Variants in GFI1 observed in about 807,000 individuals in gnomAD.
GFI1 encodes the protein zinc finger protein Gfi-1.
A neutral mutation model predicts 39.2 loss-of-function variants in GFI1; 15 were observed. That is an observed-to-expected ratio of 0.38 (90% CI 0.26 to 0.59). GFI1 has a LOEUF of 0.59. Ranked by LOEUF, GFI1 falls within the 20% of genes least tolerant of loss-of-function variation. The probability of loss-of-function intolerance (pLI) is 0.62; values close to 1 mark genes in which losing one functional copy is unlikely to be tolerated. For missense variants in GFI1, 475 were observed against 574.0 expected, an observed-to-expected ratio of 0.83 and a Z score of 1.76; for synonymous variants, 239 against 254.3, an observed-to-expected ratio of 0.94 and a Z score of 0.57.
At position 92,486,823 on chromosome 1, in the gene GFI1, G is replaced by C. The variant is rs1204183815; in HGVS notation, c.-197C>G. On this transcript the variant is annotated 5_prime_UTR_variant, in exon 1 of 7. Transcript: ENST00000294702. The stretch of plus-strand genomic sequence containing the variant: ...GCGAGCGCCGAGCCCCCGGCGGAGA[G>C]GGCCCTGGCGGCGCGTCCCGCGGGC... 3 of 152,154 alleles carry C rather than the reference G, an allele frequency of 2.0e-5. No homozygotes were observed. Among genetic ancestry groups the C allele is most frequent in the Non-Finnish European group, 4.4e-5 (3 of 68,014 alleles). 9.4% of individuals were successfully genotyped at this position (152,154 alleles called of 1,614,324 possible).
intron 1 of GFI1, chr1:92,483,795 A>G: frequency 2.3e-6 from 1 of 432,188 alleles, no homozygotes; most frequent in Non-Finnish European, 4.3e-6. Context: ...CCACTGACAC[A>G]GCTCAGCGGT....
At position 92,484,365 on chromosome 1, in the gene GFI1, CT is replaced by C. The variant is rs1253750776; in HGVS notation, c.-99-780del. The C allele has an allele frequency of 1.3e-5, 2 of 152,834 alleles. No individual in the cohort carries two copies. Among genetic ancestry groups the C allele is most frequent in the Admixed American group, 1.3e-4 (2 of 15,298 alleles). The allele number at this position is 152,834 out of a possible 1,614,324, so 9.5% of individuals were successfully genotyped here. ...CGGCTGCGGCGGGCACCGGTCGAGG[CT>C]GCGGCGAGCCATCCCAGACCATGGA... On this transcript the variant is annotated intron_variant, in intron 1 of 6. Transcript: ENST00000294702. This position sits in a 1 kb window ranked among gnomAD's most constrained non-coding sequence, Gnocchi z 4.1.
Position 92,480,784 on chromosome 1 carries a change from G to T in GFI1, c.603C>A (p.Gly201=). ...ATAGPGLGLY[G]DFGSAAAGLY... ...GCCCGGCTGCCGCAGACCCGAAGTC[G>T]CCGTAGAGCCCTAGGCCAGGGCCAG... is the stretch of plus-strand genomic sequence containing the variant. The change falls in exon 4 of 7, where the codon GGC becomes GGA. Residue 201 remains glycine (G), a synonymous_variant. Coordinates refer to ENST00000294702, the MANE Select transcript of GFI1 (RefSeq NM_005263.5). This position sits in a 1 kb window ranked among gnomAD's most constrained non-coding sequence, Gnocchi z 5.6. 6.3e-7 allele frequency: 1 copy of T among 1,598,400 alleles called. No individual in the cohort carries two copies. The highest frequency in any genetic ancestry group is 2.2e-5 in the East Asian group (1 of 44,518).
In GFI1 at chr1:92,481,130, G is replaced by T; in HGVS notation, c.299-42C>A. 1 of 1,549,644 alleles carries T rather than the reference G, an allele frequency of 6.5e-7. No individual in the cohort carries two copies. Among genetic ancestry groups the T allele is most frequent in the Non-Finnish European group, 8.8e-7 (1 of 1,130,602 alleles). On this transcript the variant is annotated intron_variant, in intron 3 of 6. Transcript: ENST00000294702. This position sits in a 1 kb window ranked among gnomAD's most constrained non-coding sequence, Gnocchi z 4.3. ...GGAGCGTCCGGTCAGGCTTCAGACG[G>T]CAGAGCGGAGGCCGCCGGGCTGCGG...
In GFI1 at chr1:92,485,164, C is replaced by T. The variant is rs570523776; in HGVS notation, c.-100+1562G>A. Among the ~76,000 whole-genome samples the T allele has an allele frequency of 1.4e-4, 22 of 152,310 alleles. No individual in the cohort carries two copies. In the East Asian group the frequency reaches 4.1e-3, roughly 28 times the overall value. On this transcript the variant is annotated intron_variant, in intron 1 of 6. Transcript: ENST00000294702. ...GTCGCGGGGCTCCCGCGAAGTTTCC[C>T]GCTACCCAAGCGCCAGAATGCCCCT...
Position 92,480,294 on chromosome 1 carries a change from A to G in GFI1, c.924+54T>C, listed in dbSNP as rs72962659. On this transcript the variant is annotated intron_variant, in intron 5 of 6. Coordinates refer to ENST00000294702, the MANE Select transcript of GFI1 (RefSeq NM_005263.5). This position sits in a 1 kb window ranked among gnomAD's most constrained non-coding sequence, Gnocchi z 5.6. ...GAGAGTGGCTGGTGCTGCACCGAGG[A>G]GATGCAGAAGATCCCCGAGCAGGGC... 57 of 1,519,206 alleles carry G rather than the reference A, an allele frequency of 3.8e-5. No homozygotes were observed. In the African/African-American group the frequency reaches 6.5e-4, roughly 17 times the overall value. 94.1% of individuals were successfully genotyped at this position (1,519,206 alleles called of 1,614,324 possible). A position where few individuals can be genotyped will look rare whatever the true frequency, so the allele number is the denominator to read the frequency against.
intron 6 of GFI1, 140 bp from the exon 7 acceptor site, chr1:92,476,347 TG>T: frequency 1.3e-6 from 1 of 763,526 alleles, no homozygotes; most frequent in Non-Finnish European, 2.2e-6. Flanking sequence ...GGTGACGTGT[TG>T]CAACCTGAAC....
intron 5 of GFI1, 75 bp from the exon 6 acceptor site, chr1:92,478,828 G>A: frequency 6.3e-7 from 1 of 1,581,678 alleles, no homozygotes; most frequent in Non-Finnish European, 8.6e-7. Context: ...CTAGACTGCT[G>A]CTCTCCTCAC....
intron 6 of GFI1, 104 bp from the exon 7 acceptor site, chr1:92,476,311 G>T: frequency 1.9e-6 from 2 of 1,077,994 alleles, no homozygotes; most frequent in South Asian, 1.3e-5. Context: ...TTGCACCACA[G>T]TCTAAGGCCT....
At chr1:92,478,467 G>C (rs1321226441) in intron 6 of GFI1, 121 bp downstream of exon 6, 1 of 854,698 alleles carries the variant, frequency 1.2e-6, no homozygotes, top group African/African-American at 1.7e-5. Flanking sequence ...CTTTAACACA[G>C]AGCAGAGAAT....
chr1:92,483,512 C>T lies in GFI1; in HGVS notation c.-25G>A. 2 of 1,387,596 alleles carry T rather than the reference C, an allele frequency of 1.4e-6. No homozygotes were observed. Among genetic ancestry groups the T allele is most frequent in the African/African-American group, 1.4e-5 (1 of 70,400 alleles). The allele number at this position is 1,387,596 out of a possible 1,614,324, so 86.0% of individuals were successfully genotyped here. ...TGGTGGTCCGGCACTTTCCCCACTGCGCCCCAAGAGTCCCTGGAGCCGCTG... is the reference window on the plus strand; with the variant it reads ...TGGTGGTCCGGCACTTTCCCCACTGTGCCCCAAGAGTCCCTGGAGCCGCTG... On this transcript the variant is annotated 5_prime_UTR_variant, in exon 2 of 7. Transcript: ENST00000294702.
At chr1:92,479,372 AG>A (rs1658112675) in intron 5 of GFI1, among the ~76,000 whole-genome samples, 2 of 152,096 alleles carry the variant, frequency 1.3e-5, no homozygotes, top group Non-Finnish European at 2.9e-5. Context: ...TACTCTTTTT[AG>A]CCTTCGTAAG....
rs529853464 is a variant in GFI1, at chr1:92,483,253, A to G, written c.115+120T>C. 18 of 754,582 alleles carry G rather than the reference A, an allele frequency of 2.4e-5. No homozygotes were observed. In the African/African-American group the frequency reaches 2.9e-4, roughly 12 times the overall value. The allele number at this position is 754,582 out of a possible 1,614,324, so 46.7% of individuals were successfully genotyped here. ...ACCCGGAGGAACCAGGACAGTAGGA[A>G]ACAAAAACAGCAGCAAAAGGGACGT... On this transcript the variant is annotated intron_variant, in intron 2 of 6. Transcript: ENST00000294702.
At position 92,480,316 on chromosome 1, in the gene GFI1, G is replaced by C. The variant is rs1386445648; in HGVS notation, c.924+32C>G. The C allele has an allele frequency of 2.6e-6, 4 of 1,542,402 alleles. No homozygotes were observed. The highest frequency in any genetic ancestry group is 3.5e-6 in the Non-Finnish European group (4 of 1,145,448). On this transcript the variant is annotated intron_variant, in intron 5 of 6. Coordinates refer to ENST00000294702, the MANE Select transcript of GFI1 (RefSeq NM_005263.5). The surrounding 1 kb of genome is among the most constrained non-coding windows in gnomAD (Gnocchi z 5.6). The stretch of plus-strand genomic sequence containing the variant: ...AGGAGATGCAGAAGATCCCCGAGCA[G>C]GGCCGCGCGCGGCGGTGCGCCCCGC...
At position 92,475,982 on chromosome 1, in the gene GFI1, G is replaced by C. The variant is rs41296169; in HGVS notation, c.*47C>G. On this transcript the variant is annotated 3_prime_UTR_variant, in exon 7 of 7. Coordinates refer to ENST00000294702, the MANE Select transcript of GFI1 (RefSeq NM_005263.5). Reference sequence around the variant, plus strand: ...CAGAGTGGTGGCAAGCAGGGAGGCTGCCCTCTGTAGTGTTGTGTAGCTGCT... The same window carrying C: ...CAGAGTGGTGGCAAGCAGGGAGGCTCCCCTCTGTAGTGTTGTGTAGCTGCT... The C allele has an allele frequency of 1.7e-5, 27 of 1,568,992 alleles. No homozygotes were observed. In the East Asian group the frequency reaches 5.8e-4, roughly 34 times the overall value.
Position 92,476,080 on chromosome 1 carries a change from C to G in GFI1, c.1218G>C (p.Gln406His), listed in dbSNP as rs748265418. Residue 406 changes from glutamine to histidine, a missense_variant, in exon 7 of 7, where the codon CAG becomes CAC. Transcript: ENST00000294702. ...GGTGCCTTCGGAGGTCCACCTTCCT[C>G]TGGAAACCCTTCCCACAGAGGTCGC... ...FGCDLCGKGF[Q>H]RKVDLRRHRE... 2 of 1,614,036 alleles carry G rather than the reference C, an allele frequency of 1.2e-6. No individual in the cohort carries two copies. The highest frequency in any genetic ancestry group is 2.7e-5 in the African/African-American group (2 of 74,940).
chr1:92,483,958 C>T (rs1332659657), intron 1 of GFI1: 1 of 258,982 alleles, frequency 3.9e-6, no homozygotes, highest in Non-Finnish European at 7.8e-6. Context: ...CTCAGCTACT[C>T]ATCGCCTGCC....
rs377320747 is a variant in GFI1 at position 92,477,302 on chromosome 1, TAA to T, written c.1091-1097_1091-1096del. 6.4e-4 allele frequency among the ~76,000 whole-genome samples: 98 copies of T among 152,346 alleles called. 1 individual carries two copies. In the South Asian group the frequency reaches 0.016, roughly 24 times the overall value. On this transcript the variant is annotated intron_variant, in intron 6 of 6. Coordinates refer to ENST00000294702, the MANE Select transcript of GFI1 (RefSeq NM_005263.5). Reference sequence around the variant, plus strand: ...AGTCAAGATCCTAGTTGCATTTTGATAAGTGTCCTGAATACCTTACTTATAAG... The same window carrying T: ...AGTCAAGATCCTAGTTGCATTTTGATGTGTCCTGAATACCTTACTTATAAG...
Position 92,476,189 on chromosome 1 carries a change from C to T in GFI1, c.1109G>A (p.Cys370Tyr). Residue 370 changes from cysteine (C) to tyrosine (Y), a missense_variant, in exon 7 of 7, where the codon TGC becomes TAC. By Grantham distance (194) the Cys-to-Tyr change is radical. Around this residue, in one of 4 missense-constraint regions of GFI1, gnomAD observed 112 missense variants for 202.8 expected, o/e 0.55. Coordinates refer to ENST00000294702, the MANE Select transcript of GFI1 (RefSeq NM_005263.5). ...GCTGAATGCCTTGCCGCACACCTGG[C>T]ACTTGTGAGGCTTCTCACCTGTGGG... ...FIHTGEKPHK[C>Y]QVCGKAFSQS... is the part of the protein sequence containing the mutation. 1 of 1,613,306 alleles carries T rather than the reference C, an allele frequency of 6.2e-7. No homozygotes were observed. The highest frequency in any genetic ancestry group is 8.5e-7 in the Non-Finnish European group (1 of 1,179,702).
Sources: allele counts gnomAD v4.1 joint callset (sites outside exome capture counted in the v4.1 genomes callset), GRCh38; gene constraint gnomAD v4.1.1; regional missense constraint gnomAD v4.1.1; non-coding constraint Gnocchi (gnomAD v3.1); transcripts MANE v1.5; gene names NCBI Gene and HGNC (gene_info 2026-07-23, HGNC 2026-07-21).